Variants in C4BPA observed in about 807,000 individuals in gnomAD.
The protein encoded by C4BPA is C4b-binding protein alpha chain.
Under a neutral mutation model 63.7 loss-of-function variants are expected in C4BPA, and 31 were observed. The observed-to-expected ratio is 0.49, with a 90% confidence interval of 0.37 to 0.66. C4BPA has a LOEUF of 0.66. Ranked by LOEUF, C4BPA falls within the 30% of genes least tolerant of loss-of-function variation. The pLI, the probability that C4BPA is intolerant of heterozygous loss-of-function variation, is 0.00. For synonymous variants in C4BPA, 259 were observed against 254.7 expected (o/e 1.02, Z -0.16); for missense variants, 572 against 723.3 (o/e 0.79, Z 2.40).
At position 207,119,806 on chromosome 1, in the gene C4BPA, GTTT is replaced by G. The variant is rs1684883528; in HGVS notation, c.429-4115_429-4113del. Among the ~76,000 whole-genome samples the G allele has an allele frequency of 4.4e-4, 13 of 29,316 alleles. 2 individuals carry two copies. Among genetic ancestry groups the G allele is most frequent in the Non-Finnish European group, 1.3e-3 (10 of 7,970 alleles). The allele number at this position is 29,316 out of a possible 152,430, so 19.2% of individuals were successfully genotyped here. A position where few individuals can be genotyped will look rare whatever the true frequency, so the allele number is the denominator to read the frequency against. On this transcript the variant is annotated intron_variant, in intron 4 of 11. Transcript: ENST00000367070. The stretch of plus-strand genomic sequence containing the variant: ...AATATTCACAACTTTTATGGTCCTT[GTTT>G]ATGCAACTGGTCATGTGGTTGTAGC...
intron 7 of C4BPA, among the ~76,000 whole-genome samples, chr1:207,129,312 C>T (rs1286477782): frequency 6.7e-6 from 1 of 149,350 alleles, no homozygotes; most frequent in Non-Finnish European, 1.5e-5. Flanking sequence ...ATTAAGTGTA[C>T]CAACATATGT....
At chr1:207,133,326 T>C (rs1285512654) in intron 8 of C4BPA, among the ~76,000 whole-genome samples, 1 of 152,266 alleles carries the variant, frequency 6.6e-6, no homozygotes, top group Non-Finnish European at 1.5e-5. Flanking sequence ...TTAATACTGG[T>C]CGAGTTACTG....
intron 1 of C4BPA, among the ~76,000 whole-genome samples, chr1:207,104,693 G>A (rs1684524957): frequency 6.6e-6 from 1 of 152,194 alleles, no homozygotes; most frequent in South Asian, 2.1e-4. Flanking sequence ...AGAGGTGTAA[G>A]GTGTTGCTCT....
chr1:207,110,458 A>G (rs1684645710), intron 1 of C4BPA, among the ~76,000 whole-genome samples: 2 of 152,222 alleles, frequency 1.3e-5, no homozygotes, highest in Non-Finnish European at 2.9e-5. Flanking sequence ...TGCTGAATTT[A>G]TCAAAGTATC....
chr1:207,117,653 A>C (rs1196599828), intron 4 of C4BPA, among the ~76,000 whole-genome samples: 3 of 152,180 alleles, frequency 2.0e-5, no homozygotes, highest in African/African-American at 4.8e-5. Context: ...AGTACATAGG[A>C]AACTTCACAG....
At chr1:207,116,916 T>C (rs1002321860) in intron 4 of C4BPA, among the ~76,000 whole-genome samples, 1 of 152,220 alleles carries the variant, frequency 6.6e-6, no homozygotes, top group South Asian at 2.1e-4. Flanking sequence ...ATAAAATTCA[T>C]ATACTTATCT....
intron 9 of C4BPA, among the ~76,000 whole-genome samples, chr1:207,137,256 C>G (rs907009578): frequency 2.0e-5 from 3 of 152,240 alleles, no homozygotes; most frequent in African/African-American, 7.2e-5. Context: ...ACAACACATA[C>G]TGTGAACCCA....
At position 207,131,528 on chromosome 1, in the gene C4BPA, T is replaced by G. The variant is rs1439776380; in HGVS notation, c.890-18T>G. On this transcript the variant is annotated intron_variant, in intron 7 of 11. Coordinates refer to ENST00000367070, the MANE Select transcript of C4BPA (RefSeq NM_000715.4). The stretch of plus-strand genomic sequence containing the variant: ...TAATAGCGTCCTTTTGTTCTTCTTC[T>G]TCTTCTTTCATGAGTAGATAGTTGT... The G allele has an allele frequency of 6.4e-7, 1 of 1,571,702 alleles. No individual in the cohort carries two copies. Among genetic ancestry groups the G allele is most frequent in the Non-Finnish European group, 8.7e-7 (1 of 1,145,090 alleles).
intron 9 of C4BPA, among the ~76,000 whole-genome samples, chr1:207,137,596 GTTT>G (rs1313293301): frequency 6.7e-6 from 1 of 149,576 alleles, no homozygotes; most frequent in Non-Finnish European, 1.5e-5. Context: ...GATATGTTTT[GTTT>G]TGTTTTGTTT....
At chr1:207,134,042 C>T (rs964434542) in intron 8 of C4BPA, among the ~76,000 whole-genome samples, 9 of 151,956 alleles carry the variant, frequency 5.9e-5, no homozygotes, top group Non-Finnish European at 8.8e-5. Flanking sequence ...GAGACAAGAT[C>T]GCACTCTGTT....
intron 4 of C4BPA, among the ~76,000 whole-genome samples, chr1:207,116,395 T>G (rs1409922840): frequency 1.3e-5 from 2 of 152,120 alleles, no homozygotes; most frequent in Non-Finnish European, 2.9e-5. Context: ...TTGAACTTTT[T>G]ATTCTTAAGT....
At chr1:207,124,962 G>A (rs563998859) in intron 6 of C4BPA, among the ~76,000 whole-genome samples, 4 of 152,326 alleles carry the variant, frequency 2.6e-5, no homozygotes, top group South Asian at 4.1e-4. Context: ...CCTATAAGAT[G>A]AAACACATAT....
chr1:207,130,136 G>A (rs1454735995), intron 7 of C4BPA, among the ~76,000 whole-genome samples: 1 of 152,184 alleles, frequency 6.6e-6, no homozygotes, highest in Non-Finnish European at 1.5e-5. Context: ...GACCTCTGCT[G>A]ATGCTCATTG....
chr1:207,130,869 T>C (rs1685144371), intron 7 of C4BPA, among the ~76,000 whole-genome samples: 1 of 152,144 alleles, frequency 6.6e-6, no homozygotes, highest in Non-Finnish European at 1.5e-5. Context: ...ATTCTGAAAT[T>C]AGTTAATGGT....
intron 9 of C4BPA, among the ~76,000 whole-genome samples, chr1:207,139,560 T>C (rs375483067): frequency 2.0e-5 from 3 of 152,144 alleles, no homozygotes; most frequent in African/African-American, 7.2e-5. Context: ...GAACCCAATA[T>C]AGGGGCTGGG....
chr1:207,106,706 G>A (rs1046973605), intron 1 of C4BPA, among the ~76,000 whole-genome samples: 1 of 152,176 alleles, frequency 6.6e-6, no homozygotes. Context: ...CTCCCAAAGT[G>A]CTGGGATTAC....
At chr1:207,140,722 G>T (rs557519707) in intron 9 of C4BPA, among the ~76,000 whole-genome samples, 1 of 152,154 alleles carries the variant, frequency 6.6e-6, no homozygotes, top group Non-Finnish European at 1.5e-5. Flanking sequence ...AGAGATTGTG[G>T]ATGATATAAC....
chr1:207,113,199 A>C, intron 2 of C4BPA, 32 bp downstream of exon 2: 2 of 1,598,854 alleles, frequency 1.3e-6, no homozygotes, highest in Non-Finnish European at 1.7e-6. Context: ...CAAATCAGCA[A>C]CAAACAATGA....
chr1:207,107,032 A>G (rs536496572), intron 1 of C4BPA, among the ~76,000 whole-genome samples: 1 of 152,308 alleles, frequency 6.6e-6, no homozygotes, highest in Admixed American at 6.5e-5. Context: ...GGCAAAAGCA[A>G]ATAGATAGTT....
Sources: allele counts gnomAD v4.1 joint callset (sites outside exome capture counted in the v4.1 genomes callset), GRCh38; gene constraint gnomAD v4.1.1; transcripts MANE v1.5; gene names NCBI Gene and HGNC (gene_info 2026-07-23, HGNC 2026-07-21).